The following CTNNA3 variants were observed in gnomAD, a reference collection of about 807,000 sequenced individuals.
The protein encoded by CTNNA3 is catenin alpha 3, also known as catenin alpha-3.
A neutral mutation model predicts 95.7 loss-of-function variants in CTNNA3; 76 were observed. That is an observed-to-expected ratio of 0.79 (90% CI 0.66 to 0.96). The LOEUF (loss-of-function observed/expected upper bound fraction) is 0.96. CTNNA3 is among the 40% of genes least tolerant of loss of function. CTNNA3 has a pLI of 0.00. For synonymous variants in CTNNA3, 431 were observed against 374.4 expected (o/e 1.15, Z -1.74); for missense variants, 1,191 against 1,089.8 (o/e 1.09, Z -1.31).
chr10:67,035,522 T>C (rs1041106203), intron 7 of CTNNA3, among the ~76,000 whole-genome samples: 1 of 152,168 alleles, frequency 6.6e-6, no homozygotes, highest in Non-Finnish European at 1.5e-5. Flanking sequence ...AGTTTACTTG[T>C]TTTTTAATGT....
intron 13 of CTNNA3, among the ~76,000 whole-genome samples, chr10:66,156,105 C>T (rs967113360): frequency 4.0e-5 from 6 of 151,870 alleles, no homozygotes; most frequent in Non-Finnish European, 8.8e-5. Context: ...TGCTGAAACT[C>T]TGAAAGGTAG....
chr10:67,702,991 C>T (rs1397817831), intron 1 of CTNNA3, among the ~76,000 whole-genome samples: 6 of 152,080 alleles, frequency 3.9e-5, no homozygotes, highest in South Asian at 2.1e-4. Flanking sequence ...GAGAATACTA[C>T]AAACACCTCT....
chr10:67,207,704 A>T (rs1444551903), intron 6 of CTNNA3, among the ~76,000 whole-genome samples: 2 of 152,202 alleles, frequency 1.3e-5, no homozygotes, highest in East Asian at 3.8e-4. Flanking sequence ...CATTCCTAGA[A>T]TCAGAACCTT....
intron 14 of CTNNA3, among the ~76,000 whole-genome samples, chr10:66,072,655 G>A (rs1272590882): frequency 6.6e-6 from 1 of 151,988 alleles, no homozygotes; most frequent in African/African-American, 2.4e-5. Context: ...ATTTTGGACA[G>A]GCTGGTCTTG....
intron 7 of CTNNA3, among the ~76,000 whole-genome samples, chr10:67,126,077 AGT>A (rs1859707930): frequency 6.6e-6 from 1 of 152,228 alleles, no homozygotes; most frequent in Non-Finnish European, 1.5e-5. Context: ...GAAAAACAAA[AGT>A]GTCTTTCAGC....
At chr10:67,474,621 C>T (rs1028745487) in intron 5 of CTNNA3, among the ~76,000 whole-genome samples, 21 of 152,012 alleles carry the variant, frequency 1.4e-4, no homozygotes, top group Non-Finnish European at 5.9e-5. Flanking sequence ...TTAACAGATA[C>T]TTCACTAAAA....
Position 66,026,706 on chromosome 10 carries a change from T to C in CTNNA3, c.2160-37909A>G, listed in dbSNP as rs530407269. Reference sequence around the variant, plus strand: ...CTTGTTGTTCCATCTGGGTCATTTATTAACAAATCCCACAAAAGTGTATTT... The same window carrying C: ...CTTGTTGTTCCATCTGGGTCATTTACTAACAAATCCCACAAAAGTGTATTT... On this transcript the variant is annotated intron_variant, in intron 15 of 17. Coordinates refer to ENST00000433211, the MANE Select transcript of CTNNA3 (RefSeq NM_013266.4). 1.5e-4 allele frequency among the ~76,000 whole-genome samples: 23 copies of C among 152,308 alleles called. No homozygotes were observed. The South Asian group carries it at 4.3e-3, about 29-fold the overall frequency.
chr10:67,313,145 T>C (rs1264766171), intron 5 of CTNNA3, among the ~76,000 whole-genome samples: 2 of 152,166 alleles, frequency 1.3e-5, no homozygotes, highest in Non-Finnish European at 2.9e-5. Context: ...TTATAAATTA[T>C]TGAAGTCTGT....
intron 13 of CTNNA3, among the ~76,000 whole-genome samples, chr10:66,149,163 T>C (rs2084054754): frequency 6.7e-6 from 1 of 148,476 alleles, no homozygotes. Context: ...TATGTATATA[T>C]AAAGCTAAAT....
intron 13 of CTNNA3, among the ~76,000 whole-genome samples, chr10:66,253,656 G>T (rs542954350): frequency 6.6e-6 from 1 of 152,166 alleles, no homozygotes; most frequent in Non-Finnish European, 1.5e-5. Context: ...CAATAGTTTT[G>T]CATTTTTTAG....
chr10:65,970,728 T>C (rs1262075612), intron 16 of CTNNA3, among the ~76,000 whole-genome samples: 2 of 148,242 alleles, frequency 1.3e-5, no homozygotes, highest in Admixed American at 6.8e-5. Flanking sequence ...AAATATAATA[T>C]ATAATAGATA....
At chr10:66,326,277 T>C (rs2092253288) in intron 12 of CTNNA3, among the ~76,000 whole-genome samples, 1 of 152,130 alleles carries the variant, frequency 6.6e-6, no homozygotes, top group African/African-American at 2.4e-5. Flanking sequence ...CGCTTCACTC[T>C]TACAATGCTC....
At chr10:66,201,683 C>T (rs1290977581) in intron 13 of CTNNA3, among the ~76,000 whole-genome samples, 5 of 151,754 alleles carry the variant, frequency 3.3e-5, no homozygotes, top group African/African-American at 1.2e-4. Flanking sequence ...ATTTCCAAAG[C>T]TTGCCTGCTG....
At chr10:67,378,508 G>A (rs888217309) in intron 5 of CTNNA3, among the ~76,000 whole-genome samples, 8 of 148,118 alleles carry the variant, frequency 5.4e-5, no homozygotes, top group Admixed American at 4.9e-4. Flanking sequence ...AATCAAAGAT[G>A]TTATGAAACA....
chr10:66,871,284 C>A (rs867079254), intron 7 of CTNNA3, among the ~76,000 whole-genome samples: 7 of 151,996 alleles, frequency 4.6e-5, no homozygotes, highest in Non-Finnish European at 1.0e-4. Flanking sequence ...TTAGGCTGGG[C>A]GCGGTGGCTC....
Position 65,922,680 on chromosome 10 carries a change from T to C in CTNNA3, c.2401-2063A>G, listed in dbSNP as rs192075859. On this transcript the variant is annotated intron_variant, in intron 17 of 17. Transcript: ENST00000433211. ...TTATTCTCCAATAAAATTAAGTCAA[T>C]TTGTTTGCTTGGTTTTGCAAAAATA... is the stretch of plus-strand genomic sequence containing the variant. Among the ~76,000 whole-genome samples, 532 of 152,296 alleles carry C rather than the reference T, an allele frequency of 3.5e-3. 5 individuals are homozygous for C. The highest frequency in any genetic ancestry group is 0.012 in the African/African-American group (487 of 41,558).
intron 17 of CTNNA3, among the ~76,000 whole-genome samples, chr10:65,948,349 T>C (rs932206065): frequency 6.8e-6 from 1 of 147,606 alleles, no homozygotes; most frequent in Non-Finnish European, 1.5e-5. Flanking sequence ...CCCCCCAACA[T>C]AGTAGGTGCT....
intron 7 of CTNNA3, among the ~76,000 whole-genome samples, chr10:67,078,443 C>G (rs1375040408): frequency 6.6e-6 from 1 of 152,142 alleles, no homozygotes; most frequent in Non-Finnish European, 1.5e-5. Flanking sequence ...CAAAATGTTA[C>G]TCCCCTTAAA....
chr10:66,129,980 A>C (rs1016028127), intron 13 of CTNNA3, among the ~76,000 whole-genome samples: 2 of 151,824 alleles, frequency 1.3e-5, no homozygotes, highest in African/African-American at 4.8e-5. Context: ...TCCCCACCAC[A>C]CCACCATTGT....
Sources: gnomAD v4.1 joint callset for allele counts (sites outside exome capture counted in the v4.1 genomes callset) on GRCh38, gnomAD v4.1.1 for gene constraint, MANE v1.5 for transcripts, NCBI Gene and HGNC (gene_info 2026-07-23, HGNC 2026-07-21) for gene names.